GALNTL6: variants seen among roughly 807,000 people sequenced by gnomAD.
GALNTL6 encodes polypeptide N-acetylgalactosaminyltransferase like 6.
GALNTL6 carries 46 observed loss-of-function variants against 73.7 expected under a neutral mutation model. The ratio of observed to expected loss-of-function variants is 0.62; its 90% confidence interval spans 0.49 to 0.80. GALNTL6 has a LOEUF of 0.80. GALNTL6 is among the 30% of genes least tolerant of loss of function. GALNTL6 has a pLI of 0.00. For missense variants in GALNTL6, 604 were observed against 755.0 expected, an observed-to-expected ratio of 0.80 and a Z score of 2.34; for synonymous variants, 259 against 263.7, an observed-to-expected ratio of 0.98 and a Z score of 0.17.
chr4:172,777,771 C>T (rs1275350530), intron 5 of GALNTL6, among the ~76,000 whole-genome samples: 1 of 151,970 alleles, frequency 6.6e-6, no homozygotes, highest in Admixed American at 6.6e-5. Context: ...GGAGTAGTTG[C>T]ATTTAACATA....
At chr4:172,579,742 A>T (rs1737099053) in intron 5 of GALNTL6, among the ~76,000 whole-genome samples, 1 of 151,442 alleles carries the variant, frequency 6.6e-6, no homozygotes, top group Non-Finnish European at 1.5e-5. Context: ...TTTCTATACA[A>T]TTTCAGGACT....
At chr4:172,274,034 T>A (rs1041785170) in intron 3 of GALNTL6, among the ~76,000 whole-genome samples, 1 of 152,194 alleles carries the variant, frequency 6.6e-6, no homozygotes, top group Non-Finnish European at 1.5e-5. Flanking sequence ...CCTGAACGTA[T>A]ATGAACCTAT....
intron 2 of GALNTL6, among the ~76,000 whole-genome samples, chr4:172,018,385 G>A (rs948982547): frequency 2.6e-5 from 4 of 152,098 alleles, no homozygotes; most frequent in African/African-American, 7.2e-5. Flanking sequence ...GGCTTGCTGA[G>A]GCCACTGTAG....
intron 2 of GALNTL6, among the ~76,000 whole-genome samples, chr4:171,996,975 A>G (rs1375591627): frequency 6.6e-6 from 1 of 152,124 alleles, no homozygotes; most frequent in African/African-American, 2.4e-5. Context: ...AACAAACAAC[A>G]TTCTTTGCCA....
chr4:171,854,088 G>A (rs967650756), intron 2 of GALNTL6, among the ~76,000 whole-genome samples: 4 of 152,024 alleles, frequency 2.6e-5, no homozygotes, highest in Admixed American at 1.3e-4. Flanking sequence ...ATATATATAC[G>A]CATATACTCT....
chr4:172,833,933 G>A (rs139307172), intron 7 of GALNTL6, among the ~76,000 whole-genome samples: 4,972 of 152,168 alleles, frequency 0.033, 280 homozygotes, highest in African/African-American at 0.11. Context: ...TGGCCAACAT[G>A]GTAAAACCCC....
chr4:172,187,233 C>T (rs1298742812), intron 2 of GALNTL6, among the ~76,000 whole-genome samples: 1 of 151,636 alleles, frequency 6.6e-6, no homozygotes, highest in African/African-American at 2.4e-5. Context: ...TAAAAAAATC[C>T]AGTGTGGAAC....
At chr4:172,012,463 G>GT (rs1237163360) in intron 2 of GALNTL6, among the ~76,000 whole-genome samples, 1 of 151,920 alleles carries the variant, frequency 6.6e-6, no homozygotes, top group African/African-American at 2.4e-5. Flanking sequence ...TTTCTGTGAT[G>GT]TTTTTTTCTC....
chr4:172,235,382 AT>A (rs140258503), intron 3 of GALNTL6, among the ~76,000 whole-genome samples: 2,005 of 151,940 alleles, frequency 0.013, 50 homozygotes, highest in African/African-American at 0.046. Context: ...TAATTTTTGT[AT>A]TTTTAGTGGA....
chr4:172,620,329 T>C (rs1738905352), intron 5 of GALNTL6, among the ~76,000 whole-genome samples: 1 of 152,176 alleles, frequency 6.6e-6, no homozygotes, highest in African/African-American at 2.4e-5. Flanking sequence ...TTTAAACAGG[T>C]CAAACTTGGA....
At chr4:172,570,324 A>G (rs1736713709) in intron 5 of GALNTL6, among the ~76,000 whole-genome samples, 1 of 152,152 alleles carries the variant, frequency 6.6e-6, no homozygotes. Flanking sequence ...GGAAAAGGAT[A>G]ACCAGTGGGG....
intron 2 of GALNTL6, among the ~76,000 whole-genome samples, chr4:172,151,208 G>C (rs1486686926): frequency 6.6e-6 from 1 of 152,110 alleles, no homozygotes; most frequent in African/African-American, 2.4e-5. Context: ...AAATGGCTAA[G>C]AGAAATAAAG....
chr4:172,213,999 A>G (rs1487466898), intron 2 of GALNTL6, among the ~76,000 whole-genome samples: 1 of 152,124 alleles, frequency 6.6e-6, no homozygotes, highest in Non-Finnish European at 1.5e-5. Flanking sequence ...AGATGTTGAT[A>G]TTGTTTCATA....
intron 3 of GALNTL6, among the ~76,000 whole-genome samples, chr4:172,255,435 T>C (rs538430929): frequency 2.6e-5 from 4 of 151,550 alleles, no homozygotes; most frequent in Admixed American, 1.3e-4. Context: ...TATGCTGTTT[T>C]TGACTATGGG....
At chr4:172,826,881 C>G (rs543651113) in intron 7 of GALNTL6, among the ~76,000 whole-genome samples, 2 of 152,304 alleles carry the variant, frequency 1.3e-5, no homozygotes, top group South Asian at 4.1e-4. Flanking sequence ...TAACTCCATG[C>G]CGGGATTGTT....
intron 10 of GALNTL6, among the ~76,000 whole-genome samples, chr4:172,967,952 C>G (rs1465847946): frequency 6.6e-6 from 1 of 152,096 alleles, no homozygotes; most frequent in Non-Finnish European, 1.5e-5. Flanking sequence ...AATAGAAAAG[C>G]TACATTTTCT....
Position 172,064,019 on chromosome 4 carries a change from T to C in GALNTL6, c.139-165637T>C, listed in dbSNP as rs28735802. Among the ~76,000 whole-genome samples the C allele has an allele frequency of 9.0e-3, 1,378 of 152,310 alleles. 21 individuals carry two copies. Among genetic ancestry groups the C allele is most frequent in the African/African-American group, 0.031 (1,280 of 41,570 alleles). The stretch of plus-strand genomic sequence containing the variant: ...CTGCAGGATTATTTCATTTTCTTCA[T>C]TGACTAGTTTATATAATGGTTCTGT... On this transcript the variant is annotated intron_variant, in intron 2 of 12. Coordinates refer to ENST00000506823, the MANE Select transcript of GALNTL6 (RefSeq NM_001034845.3).
chr4:172,174,286 TA>T (rs2110830074), intron 2 of GALNTL6, among the ~76,000 whole-genome samples: 1 of 152,344 alleles, frequency 6.6e-6, no homozygotes, highest in East Asian at 1.9e-4. Flanking sequence ...AAGAAGTGTT[TA>T]TTCTCAATTT....
At chr4:172,325,633 G>A (rs1232001698) in intron 4 of GALNTL6, among the ~76,000 whole-genome samples, 2 of 151,874 alleles carry the variant, frequency 1.3e-5, no homozygotes, top group East Asian at 3.9e-4. Context: ...TCACTTAGGG[G>A]AGTATAAAAT....
Sources: gnomAD v4.1 joint callset for allele counts (sites outside exome capture counted in the v4.1 genomes callset) on GRCh38, gnomAD v4.1.1 for gene constraint, MANE v1.5 for transcripts, NCBI Gene and HGNC (gene_info 2026-07-23, HGNC 2026-07-21) for gene names.